STARD9: variants seen among roughly 807,000 people sequenced by gnomAD.
STARD9 encodes stAR-related lipid transfer protein 9.
STARD9 carries 346 observed loss-of-function variants against 399.8 expected under a neutral mutation model. That is an observed-to-expected ratio of 0.87 (90% CI 0.79 to 0.95). The LOEUF is 0.95. Among genes scored for constraint, STARD9 ranks in the 40% least tolerant of loss-of-function variants. The pLI is 0.00. For synonymous variants in STARD9, 2,203 were observed against 2,143.5 expected (o/e 1.03, Z -0.77); for missense variants, 5,832 against 5,667.5 (o/e 1.03, Z -0.93).
intron 20 of STARD9, among the ~76,000 whole-genome samples, chr15:42,677,089 TAAA>T (rs869040683): frequency 1.9e-4 from 10 of 53,606 alleles, no homozygotes; most frequent in African/African-American, 6.1e-4. Flanking sequence ...CGTCTCTACT[TAAA>T]AAAAAAAAAA....
intron 7 of STARD9, among the ~76,000 whole-genome samples, chr15:42,642,915 C>G (rs889969716): frequency 6.6e-6 from 1 of 152,118 alleles, no homozygotes; most frequent in Non-Finnish European, 1.5e-5. Context: ...CCTCCTACCT[C>G]AGCCTCCCAA....
intron 7 of STARD9, among the ~76,000 whole-genome samples, chr15:42,643,661 C>T (rs1566898573): frequency 6.6e-6 from 1 of 151,990 alleles, no homozygotes; most frequent in Non-Finnish European, 1.5e-5. Context: ...ACCACCACGC[C>T]CAGCTAATTT....
chr15:42,698,585 T>C (rs1199932727), intron 26 of STARD9, among the ~76,000 whole-genome samples: 1 of 152,324 alleles, frequency 6.6e-6, no homozygotes, highest in East Asian at 1.9e-4. Context: ...AAATATTTTT[T>C]TCCCAGTGCT....
rs1331213479 is a variant in STARD9, at chr15:42,691,715, T to C, written c.10137T>C (p.Ala3379=). 4 of 1,537,234 alleles carry C rather than the reference T, an allele frequency of 2.6e-6. No homozygotes were observed. Among genetic ancestry groups the C allele is most frequent in the Non-Finnish European group, 3.5e-6 (4 of 1,146,914 alleles). ...GKSVARTSLQ[A]EDSNQKASSR... ...CAGTGGCAAGAACATCTCTGCAGGCTGAGGACAGCAATCAGAAAGCCTCAT... is the reference window on the plus strand; with the variant it reads ...CAGTGGCAAGAACATCTCTGCAGGCCGAGGACAGCAATCAGAAAGCCTCAT... Residue 3379 remains alanine, a synonymous_variant, in exon 23 of 33, where the codon GCT becomes GCC. Coordinates refer to ENST00000290607, the MANE Select transcript of STARD9 (RefSeq NM_020759.3).
intron 7 of STARD9, 114 bp from the exon 8 acceptor site, chr15:42,650,902 T>G (rs2059748562): frequency 1.5e-6 from 1 of 661,730 alleles, no homozygotes; most frequent in Non-Finnish European, 2.4e-6. Flanking sequence ...CCAGATTCCC[T>G]CATTTTTGTC....
chr15:42,581,136 T>C, intron 1 of STARD9: 1 of 738,116 alleles, frequency 1.4e-6, no homozygotes, highest in South Asian at 1.4e-5. Context: ...CAGATGCCCA[T>C]CTCCAACTGA....
chr15:42,693,079 G>A lies in STARD9; in HGVS notation c.11501G>A (p.Ser3834Asn), dbSNP rs771411817. The A allele has an allele frequency of 4.6e-6, 7 of 1,536,970 alleles. No individual in the cohort carries two copies. The highest frequency in any genetic ancestry group is 4.1e-5 in the African/African-American group (3 of 72,980). The change falls in exon 23 of 33, where the codon AGC becomes AAC. Residue 3834 changes from serine to asparagine, a missense_variant. Transcript: ENST00000290607. ...GTTGGGCAGCATCTTCCTTCTGTGA[G>A]CCCCTCAGTTTCTGATGCTTTCCTG... ...APVGQHLPSVSPSVSDAFLPP... is the reference protein window; with the variant it reads ...APVGQHLPSVNPSVSDAFLPP...
intron 20 of STARD9, among the ~76,000 whole-genome samples, chr15:42,676,948 A>C (rs376831036): frequency 1.3e-5 from 2 of 152,178 alleles, no homozygotes; most frequent in East Asian, 3.9e-4. Context: ...TGTTGGATAC[A>C]GGAGCAGAAG....
intron 3 of STARD9, among the ~76,000 whole-genome samples, chr15:42,594,236 G>T (rs1416480206): frequency 1.3e-5 from 2 of 152,180 alleles, no homozygotes; most frequent in Non-Finnish European, 2.9e-5. Flanking sequence ...TACAGAGCTG[G>T]ACTGCAGGAA....
intron 2 of STARD9, among the ~76,000 whole-genome samples, chr15:42,584,067 C>T (rs538866117): frequency 2.0e-5 from 3 of 151,950 alleles, no homozygotes; most frequent in Admixed American, 6.6e-5. Flanking sequence ...AAACAGAAGA[C>T]GGAGGGGTTT....
chr15:42,680,832 G>C (rs1431139058), intron 20 of STARD9, among the ~76,000 whole-genome samples: 1 of 152,054 alleles, frequency 6.6e-6, no homozygotes, highest in Non-Finnish European at 1.5e-5. Context: ...CTATTCCAGG[G>C]CTCATTCACT....
intron 30 of STARD9, 122 bp from the exon 31 acceptor site, chr15:42,718,313 C>T: frequency 8.2e-7 from 1 of 1,220,966 alleles, no homozygotes; most frequent in Non-Finnish European, 1.2e-6. Flanking sequence ...CTTGATTGCT[C>T]AGCCTAGGTT....
intron 3 of STARD9, among the ~76,000 whole-genome samples, chr15:42,612,934 A>C (rs1281439092): frequency 6.6e-6 from 1 of 151,128 alleles, no homozygotes; most frequent in Non-Finnish European, 1.5e-5. Context: ...CAGTCAGCCA[A>C]GATCCTGCCA....
chr15:42,695,814 T>C lies in STARD9; in HGVS notation c.13218T>C (p.Ser4406=), dbSNP rs138044572. ...CCAGCTCTAATGGAAGCCTCTCGTC[T>C]GGCATGACCTCTGGCTATAATAGCA... ...LCTSSNGSLS[S]GMTSGYNSSP... is the part of the protein sequence containing the mutation. Residue 4406 remains serine (S), a synonymous_variant, in exon 26 of 33, where the codon TCT becomes TCC. Transcript: ENST00000290607. 1 of 1,537,282 alleles carries C rather than the reference T, an allele frequency of 6.5e-7. No individual in the cohort carries two copies. Among genetic ancestry groups the C allele is most frequent in the Non-Finnish European group, 8.7e-7 (1 of 1,146,898 alleles).
At position 42,690,439 on chromosome 15, in the gene STARD9, G is replaced by A. The variant is rs1296136110; in HGVS notation, c.8861G>A (p.Arg2954Gln). The A allele has an allele frequency of 1.6e-5, 25 of 1,537,162 alleles. No individual in the cohort carries two copies. The highest frequency in any genetic ancestry group is 2.4e-5 in the South Asian group (2 of 84,058). The change falls in exon 23 of 33, where the codon CGA becomes CAA. Residue 2954 changes from arginine to glutamine, a missense_variant. Arg to Gln is a conservative substitution (Grantham distance 43, BLOSUM62 1). This residue lies in a region of STARD9 where 5,828 missense variants were observed against 5,651.1 expected (regional missense o/e 1.03). Coordinates refer to ENST00000290607, the MANE Select transcript of STARD9 (RefSeq NM_020759.3). ...AAAGAGAGCAGAACTCTTCCTTGCC[G>A]ACAGCCATGCAGTTCTCAACCTGTT... is the stretch of plus-strand genomic sequence containing the variant. Reference protein sequence around the residue: ...RGKESRTLPCRQPCSSQPVAT... With the variant: ...RGKESRTLPCQQPCSSQPVAT...
chr15:42,693,255 T>C lies in STARD9; in HGVS notation c.11677T>C (p.Phe3893Leu), dbSNP rs1258525666. The C allele has an allele frequency of 1.3e-6, 2 of 1,537,070 alleles. No individual in the cohort carries two copies. The highest frequency in any genetic ancestry group is 3.9e-5 in the Admixed American group (2 of 50,996). ...QKKLGPTSAL[F>L]VDRASSPILT... ...GAAGCTGGGCCCCACAAGTGCTTTG[T>C]TCGTGGACAGGGCCTCCTCCCCAAT... is the stretch of plus-strand genomic sequence containing the variant. The change falls in exon 23 of 33, where the codon TTC becomes CTC. Residue 3893 changes from phenylalanine to leucine, a missense_variant. Coordinates refer to ENST00000290607, the MANE Select transcript of STARD9 (RefSeq NM_020759.3).
chr15:42,706,168 G>A (rs1231260300), intron 26 of STARD9, among the ~76,000 whole-genome samples: 1 of 152,154 alleles, frequency 6.6e-6, no homozygotes, highest in African/African-American at 2.4e-5. Flanking sequence ...CACGTCTTAT[G>A]CTATAGAACT....
At chr15:42,652,646 C>T (rs963066742) in intron 9 of STARD9, 54 bp downstream of exon 9, 10 of 1,414,098 alleles carry the variant, frequency 7.1e-6, no homozygotes, top group Non-Finnish European at 9.7e-6. Flanking sequence ...TACCTTTAAA[C>T]CACTTTCTTG....
Position 42,688,634 on chromosome 15 carries a change from T to A in STARD9, c.7056T>A (p.Ala2352=). The change falls in exon 23 of 33, where the codon GCT becomes GCA. Residue 2352 remains alanine, a synonymous_variant. Transcript: ENST00000290607. ...GAAGGTGTCTTCATGTACCTGTTGC[T>A]CTAGGCATCTCTTCACTTGACTGTG... is the stretch of plus-strand genomic sequence containing the variant. ...WPRRCLHVPV[A]LGISSLDCVL... 1 of 1,537,614 alleles carries A rather than the reference T, an allele frequency of 6.5e-7. No individual in the cohort carries two copies. The highest frequency in any genetic ancestry group is 2.4e-5 in the East Asian group (1 of 40,928).
Sources: gnomAD v4.1 joint callset for allele counts (sites outside exome capture counted in the v4.1 genomes callset) on GRCh38, gnomAD v4.1.1 for gene constraint, gnomAD v4.1.1 regional missense constraint, MANE v1.5 for transcripts, NCBI Gene and HGNC (gene_info 2026-07-23, HGNC 2026-07-21) for gene names.